CACNA2D3: variants seen among roughly 807,000 people sequenced by gnomAD.
CACNA2D3 encodes voltage-dependent calcium channel subunit alpha-2/delta-3.
Under a neutral mutation model 160.6 loss-of-function variants are expected in CACNA2D3, and 60 were observed. The ratio of observed to expected loss-of-function variants is 0.37; its 90% CI spans 0.30 to 0.46. CACNA2D3 has a LOEUF of 0.46. CACNA2D3 is among the 20% of genes least tolerant of loss of function. The probability of loss-of-function intolerance (pLI) is 1.00; values close to 1 mark genes in which losing one functional copy is unlikely to be tolerated. For synonymous variants in CACNA2D3, 558 were observed against 492.9 expected (o/e 1.13, Z -1.75); for missense variants, 1,205 against 1,365.0 (o/e 0.88, Z 1.85).
At chr3:54,887,751 C>T (rs1400495530) in intron 23 of CACNA2D3, among the ~76,000 whole-genome samples, 1 of 152,190 alleles carries the variant, frequency 6.6e-6, no homozygotes, top group Non-Finnish European at 1.5e-5. Flanking sequence ...TGACTACCTT[C>T]TTGCCCAAAT....
At chr3:54,974,014 A>AC (rs1702330959) in intron 29 of CACNA2D3, among the ~76,000 whole-genome samples, 2 of 152,236 alleles carry the variant, frequency 1.3e-5, no homozygotes, top group Admixed American at 1.3e-4. Flanking sequence ...AATGAAGACA[A>AC]CAGGCAGTAC....
chr3:54,150,822 T>TGATGGATG (rs10599520), intron 2 of CACNA2D3, among the ~76,000 whole-genome samples: 1 of 150,784 alleles, frequency 6.6e-6, no homozygotes, highest in Non-Finnish European at 1.5e-5. Context: ...GCTTAATACA[T>TGATGGATG]GATGGATGGA....
rs554486635 is a variant in CACNA2D3, at chr3:54,414,082, T to G, written c.381+27308T>G. On this transcript the variant is annotated intron_variant, in intron 4 of 37. Transcript: ENST00000474759. ...AAGAAATAGTATAGTTTAAATCAAT[T>G]AAATTTATATTAGGAAACAATTATT... Among the ~76,000 whole-genome samples the G allele has an allele frequency of 2.0e-5, 3 of 152,050 alleles. No homozygotes were observed. In the South Asian group the frequency reaches 6.2e-4, roughly 32 times the overall value.
chr3:54,501,779 T>C (rs1189676816), intron 4 of CACNA2D3, among the ~76,000 whole-genome samples: 1 of 152,200 alleles, frequency 6.6e-6, no homozygotes, highest in Non-Finnish European at 1.5e-5. Context: ...TTTGCTTCTC[T>C]CTTAAGAACT....
chr3:54,215,313 C>T (rs1216751330), intron 2 of CACNA2D3, among the ~76,000 whole-genome samples: 1 of 152,188 alleles, frequency 6.6e-6, no homozygotes, highest in Non-Finnish European at 1.5e-5. Flanking sequence ...TCTCCATCAC[C>T]TCACATACTT....
chr3:54,667,818 A>C (rs1700093302), intron 11 of CACNA2D3, among the ~76,000 whole-genome samples: 1 of 151,986 alleles, frequency 6.6e-6, no homozygotes. Context: ...ATGGTGGTGC[A>C]TGCCTGTTCT....
rs536605237 is a variant in CACNA2D3, at chr3:54,621,841, G to A, written c.964-5946G>A. Among the ~76,000 whole-genome samples the A allele has an allele frequency of 1.2e-4, 19 of 152,348 alleles. No homozygotes were observed. In the South Asian group the frequency reaches 2.5e-3, roughly 20 times the overall value. ...AACCCAGGAAGTGGGCATAGAAAGC[G>A]TTGGAGATGTAGTCTGTTTTAATTT... On this transcript the variant is annotated intron_variant, in intron 9 of 37. Coordinates refer to ENST00000474759, the MANE Select transcript of CACNA2D3 (RefSeq NM_018398.3).
At chr3:54,234,750 A>C (rs1190895924) in intron 2 of CACNA2D3, among the ~76,000 whole-genome samples, 1 of 152,228 alleles carries the variant, frequency 6.6e-6, no homozygotes, top group Non-Finnish European at 1.5e-5. Flanking sequence ...TAGCAAACTA[A>C]CACAGGAACA....
chr3:54,335,690 A>G (rs1704358650), intron 3 of CACNA2D3, among the ~76,000 whole-genome samples: 1 of 151,962 alleles, frequency 6.6e-6, no homozygotes, highest in African/African-American at 2.4e-5. Context: ...TCTCAGCCTT[A>G]TTTTACCCAG....
chr3:54,896,932 G>A lies in CACNA2D3; in HGVS notation c.2368+62G>A, dbSNP rs2293416. The A allele has an allele frequency of 5.1e-5, 82 of 1,608,930 alleles. No homozygotes were observed. The East Asian group carries it at 1.1e-3, about 21-fold the overall frequency. ...GGTCCAGTGGGTCTGGGCATTGTGT[G>A]CAGGGTGTTGGGGAGCTGCCTGAAT... On this transcript the variant is annotated intron_variant, in intron 26 of 37. Coordinates refer to ENST00000474759, the MANE Select transcript of CACNA2D3 (RefSeq NM_018398.3).
chr3:54,851,087 C>T (rs1699046898), intron 17 of CACNA2D3, among the ~76,000 whole-genome samples: 1 of 152,174 alleles, frequency 6.6e-6, no homozygotes, highest in Non-Finnish European at 1.5e-5. Flanking sequence ...AGAAGATGCG[C>T]TTTTTATTTG....
chr3:54,791,254 G>T (rs1234345267), intron 13 of CACNA2D3, among the ~76,000 whole-genome samples: 3 of 152,160 alleles, frequency 2.0e-5, no homozygotes, highest in African/African-American at 7.2e-5. Flanking sequence ...ACAGATGTGG[G>T]TTACACCCAT....
chr3:54,872,684 T>C (rs1921549), intron 18 of CACNA2D3, among the ~76,000 whole-genome samples: 34,224 of 152,162 alleles, frequency 0.22, 7,420 homozygotes, highest in African/African-American at 0.57. Context: ...TCATCCTTGC[T>C]GGTAAAATGT....
chr3:54,570,532 A>T (rs1702479245), intron 8 of CACNA2D3, among the ~76,000 whole-genome samples: 1 of 152,208 alleles, frequency 6.6e-6, no homozygotes, highest in Non-Finnish European at 1.5e-5. Context: ...AATGGCAATG[A>T]AGCAACTAAA....
chr3:55,017,890 A>G (rs1450640688), intron 34 of CACNA2D3, among the ~76,000 whole-genome samples: 1 of 152,202 alleles, frequency 6.6e-6, no homozygotes, highest in Admixed American at 6.5e-5. Flanking sequence ...TCAGATACAC[A>G]TATGTGTTGT....
chr3:54,577,770 A>G (rs1412809886), intron 8 of CACNA2D3, among the ~76,000 whole-genome samples: 4 of 152,282 alleles, frequency 2.6e-5, no homozygotes, highest in South Asian at 2.1e-4. Context: ...TGTTTCCCCA[A>G]CACAAAAGCT....
chr3:54,161,887 G>C (rs899108245), intron 2 of CACNA2D3, among the ~76,000 whole-genome samples: 8 of 152,300 alleles, frequency 5.3e-5, no homozygotes, highest in Admixed American at 3.3e-4. Flanking sequence ...AGTCACCACT[G>C]TGTGCATTTA....
intron 31 of CACNA2D3, among the ~76,000 whole-genome samples, chr3:55,002,765 T>C (rs1703011261): frequency 6.6e-6 from 1 of 152,192 alleles, no homozygotes; most frequent in Non-Finnish European, 1.5e-5. Flanking sequence ...CAAGGAGTGC[T>C]GTGTGATGCT....
chr3:55,009,325 C>T (rs529401721), intron 33 of CACNA2D3, 63 bp from the exon 34 acceptor site: 4 of 1,370,254 alleles, frequency 2.9e-6, no homozygotes, highest in Non-Finnish European at 3.1e-6. Flanking sequence ...TACAGAAAGT[C>T]ACTGTTCTGT....
Sources: allele counts gnomAD v4.1 joint callset (sites outside exome capture counted in the v4.1 genomes callset), GRCh38; gene constraint gnomAD v4.1.1; transcripts MANE v1.5; gene names NCBI Gene and HGNC (gene_info 2026-07-23, HGNC 2026-07-21).